Variants in CD72 observed in about 807,000 individuals in gnomAD.
CD72 encodes CD72 molecule, also known as B-cell differentiation antigen CD72.
In CD72, 28 loss-of-function variants were observed where a neutral mutation model predicts 50.7. The observed-to-expected ratio is 0.55, with a 90% CI of 0.41 to 0.76. The LOEUF (loss-of-function observed/expected upper bound fraction) is 0.76, where lower values mean the gene tolerates loss of function less well. CD72 is among the 30% of genes least tolerant of loss of function. The pLI is 0.00. For missense variants in CD72, 403 were observed against 420.6 expected, an observed-to-expected ratio of 0.96 and a Z score of 0.37; for synonymous variants, 176 against 171.2, an observed-to-expected ratio of 1.03 and a Z score of -0.22.
intron 1 of CD72, among the ~76,000 whole-genome samples, chr9:35,626,774 A>G (rs569117263): frequency 6.6e-6 from 1 of 152,268 alleles, no homozygotes; most frequent in South Asian, 2.1e-4. Context: ...ACAATAAGGT[A>G]TTTTTTAATT....
chr9:35,610,247 A>C lies in CD72; in HGVS notation c.*76T>G. On this transcript the variant is annotated 3_prime_UTR_variant, in exon 9 of 9. Coordinates refer to ENST00000259633, the MANE Select transcript of CD72 (RefSeq NM_001782.3). ...CAGAATGAAGGAGATGGTCTGAGGA[A>C]CCCCAGGCCTCAGGTTAGGAAGGAG... 1 of 203,570 alleles carries C rather than the reference A, an allele frequency of 4.9e-6. No homozygotes were observed. The allele number at this position is 203,570 out of a possible 1,614,324, so 12.6% of individuals were successfully genotyped here. A position where few individuals can be genotyped will look rare whatever the true frequency, so the allele number is the denominator to read the frequency against.
intron 1 of CD72, among the ~76,000 whole-genome samples, chr9:35,626,269 T>C (rs1384193918): frequency 6.6e-6 from 1 of 152,042 alleles, no homozygotes; most frequent in Admixed American, 6.6e-5. Context: ...ATGGAGGAAG[T>C]AACTGCAGCT....
chr9:35,631,783 G>C (rs377055831), intron 1 of CD72, among the ~76,000 whole-genome samples: 6 of 152,200 alleles, frequency 3.9e-5, no homozygotes, highest in African/African-American at 1.2e-4. Flanking sequence ...CCAGCTACTC[G>C]GGAGGCTGAG....
chr9:35,618,819 T>A (rs1445100143), upstream of CD72: 26 of 1,269,456 alleles, frequency 2.0e-5, no homozygotes, highest in Non-Finnish European at 2.6e-5. Context: ...CATCCCTCGC[T>A]TCTCATCATC....
chr9:35,617,756 G>A (rs561158657), intron 2 of CD72, among the ~76,000 whole-genome samples: 39 of 152,226 alleles, frequency 2.6e-4, no homozygotes, highest in Admixed American at 2.1e-3. Flanking sequence ...CCTTTCCCCA[G>A]GGTATTGTGC....
At chr9:35,623,233 T>C (rs570830658), upstream of CD72, among the ~76,000 whole-genome samples, 1 of 152,250 alleles carries the variant, frequency 6.6e-6, no homozygotes, top group Non-Finnish European at 1.5e-5. Flanking sequence ...GGTTAACAAT[T>C]GTTTATGTAA....
At chr9:35,631,027 T>A (rs1823241798) in intron 1 of CD72, among the ~76,000 whole-genome samples, 2 of 151,810 alleles carry the variant, frequency 1.3e-5, no homozygotes, top group Admixed American at 1.3e-4. Context: ...ATCCTAAGAA[T>A]TTTTTTTTCT....
chr9:35,632,679 C>T (rs1256480469), intron 1 of CD72, among the ~76,000 whole-genome samples: 1 of 150,076 alleles, frequency 6.7e-6, no homozygotes, highest in Non-Finnish European at 1.5e-5. Context: ...TGGGTTCAAA[C>T]GATTCTCCTT....
At chr9:35,615,514 C>A (rs779523238) in intron 5 of CD72, among the ~76,000 whole-genome samples, 1 of 152,088 alleles carries the variant, frequency 6.6e-6, no homozygotes, top group African/African-American at 2.4e-5. Context: ...AGGTTGCACT[C>A]CATGTCAGCC....
chr9:35,641,766 T>C (rs566792690), intron 1 of CD72, among the ~76,000 whole-genome samples: 61 of 152,312 alleles, frequency 4.0e-4, no homozygotes, highest in African/African-American at 1.4e-3. Flanking sequence ...GGTTCCCTTC[T>C]ATTTCCCTTT....
chr9:35,633,264 GTTT>G, intron 1 of CD72, among the ~76,000 whole-genome samples: 1 of 135,594 alleles, frequency 7.4e-6, no homozygotes. Flanking sequence ...TTTGTTTTTT[GTTT>G]TTTTTTTTTC....
chr9:35,610,859 C>T, intron 7 of CD72, 106 bp from the exon 8 acceptor site: 2 of 853,374 alleles, frequency 2.3e-6, no homozygotes, highest in South Asian at 1.5e-5. Flanking sequence ...CCCTGCCTGC[C>T]TAAGGCCACA....
intron 1 of CD72, among the ~76,000 whole-genome samples, chr9:35,644,052 A>G (rs901201115): frequency 3.3e-5 from 5 of 151,792 alleles, no homozygotes. Flanking sequence ...GAAAAAAAAA[A>G]AAAAGAAAGA....
chr9:35,626,964 A>G (rs911058694), intron 1 of CD72, among the ~76,000 whole-genome samples: 2 of 150,320 alleles, frequency 1.3e-5, no homozygotes, highest in African/African-American at 4.9e-5. Flanking sequence ...GCTACTCCCG[A>G]GTAGCTGGGA....
At chr9:35,640,239 G>A (rs1294443414) in intron 1 of CD72, among the ~76,000 whole-genome samples, 1 of 152,208 alleles carries the variant, frequency 6.6e-6, no homozygotes, top group African/African-American at 2.4e-5. Flanking sequence ...TACTTTGGGG[G>A]TCCCCAGGTC....
At position 35,610,227 on chromosome 9, in the gene CD72, T is replaced by A. The variant is rs528468719; in HGVS notation, c.*96A>T. On this transcript the variant is annotated 3_prime_UTR_variant, in exon 9 of 9. Coordinates refer to ENST00000259633, the MANE Select transcript of CD72 (RefSeq NM_001782.3). ...GCCGGTGGCTGGGCACTGCCCAGAA[T>A]GAAGGAGATGGTCTGAGGAACCCCA... is the stretch of plus-strand genomic sequence containing the variant. 5.0e-6 allele frequency: 1 copy of A among 202,000 alleles called. No homozygotes were observed. Among genetic ancestry groups the A allele is most frequent in the Admixed American group, 5.7e-5 (1 of 17,690 alleles). 12.5% of individuals were successfully genotyped at this position (202,000 alleles called of 1,614,324 possible).
intron 3 of CD72, 31 bp downstream of exon 3, chr9:35,617,145 C>G (rs1488911786): frequency 6.4e-7 from 1 of 1,551,468 alleles, no homozygotes; most frequent in African/African-American, 1.4e-5. Context: ...GAGCACTTGG[C>G]CCCGCGGCTG....
At chr9:35,628,781 G>C (rs577631869) in intron 1 of CD72, among the ~76,000 whole-genome samples, 1 of 152,220 alleles carries the variant, frequency 6.6e-6, no homozygotes, top group Non-Finnish European at 1.5e-5. Flanking sequence ...GAGTGGGAGA[G>C]TAACTGTGTG....
At chr9:35,622,786 C>CAAAAAA (rs898134466), upstream of CD72, among the ~76,000 whole-genome samples, 2 of 148,288 alleles carry the variant, frequency 1.3e-5, no homozygotes, top group African/African-American at 2.5e-5. Context: ...GACTCTGTCT[C>CAAAAAA]AAAAAAAATA....
Sources: gnomAD v4.1 joint callset for allele counts (sites outside exome capture counted in the v4.1 genomes callset) on GRCh38, gnomAD v4.1.1 for gene constraint, MANE v1.5 for transcripts, NCBI Gene and HGNC (gene_info 2026-07-23, HGNC 2026-07-21) for gene names.